DENND5A: variants seen among roughly 807,000 people sequenced by gnomAD.
DENND5A encodes the protein DENN domain-containing protein 5A.
In DENND5A, 64 loss-of-function variants were observed where a neutral mutation model predicts 140.3. The observed-to-expected ratio is 0.46, with a 90% CI of 0.37 to 0.56. DENND5A has a LOEUF of 0.56. DENND5A is among the 20% of genes least tolerant of loss of function. The pLI, the probability that DENND5A is intolerant of heterozygous loss-of-function variation, is 0.00. For synonymous variants in DENND5A, 605 were observed against 607.7 expected, an observed-to-expected ratio of 1.00 and a Z score of 0.07; for missense variants, 1,292 against 1,593.8, an observed-to-expected ratio of 0.81 and a Z score of 3.22.
chr11:9,192,498 G>C (rs184539745), intron 5 of DENND5A, among the ~76,000 whole-genome samples: 2 of 152,122 alleles, frequency 1.3e-5, no homozygotes, highest in African/African-American at 4.8e-5. Flanking sequence ...TGTGGTGGTG[G>C]GCACCTGTAA....
chr11:9,261,865 C>G (rs569323195), intron 1 of DENND5A, among the ~76,000 whole-genome samples: 27 of 150,626 alleles, frequency 1.8e-4, no homozygotes, highest in African/African-American at 6.6e-4. Context: ...GAAAAAAAAT[C>G]CTTCCAACAC....
intron 1 of DENND5A, among the ~76,000 whole-genome samples, chr11:9,227,766 G>A (rs112992285): frequency 3.6e-4 from 55 of 151,768 alleles, no homozygotes; most frequent in African/African-American, 1.3e-3. Flanking sequence ...ACCAGCCTGG[G>A]CAACATAGCA....
intron 1 of DENND5A, among the ~76,000 whole-genome samples, chr11:9,243,115 A>AAAAC (rs1564936263): frequency 4.0e-5 from 6 of 149,962 alleles, no homozygotes; most frequent in Admixed American, 6.7e-5. Flanking sequence ...CAAAAAAAAA[A>AAAAC]ACTGAGGCGA....
rs181807710 is a variant in DENND5A at position 9,265,182 on chromosome 11, C to T, written c.-113G>A. ...CCTCCCGCCGCCGCCGCTACCGCGG[C>T]TCGGGCCGCCGCCCCCGGCCCTGGC... is the stretch of plus-strand genomic sequence containing the variant. On this transcript the variant is annotated 5_prime_UTR_variant, in exon 1 of 23. Coordinates refer to ENST00000328194, the MANE Select transcript of DENND5A (RefSeq NM_015213.4). The surrounding 1 kb of genome is among the most constrained non-coding windows in gnomAD (Gnocchi z 4.7). The T allele has an allele frequency of 0.088, 43,463 of 493,424 alleles. 2,167 individuals carry two copies. Among genetic ancestry groups the T allele is most frequent in the Non-Finnish European group, 0.1 (38,979 of 378,596 alleles). 30.6% of individuals were successfully genotyped at this position (493,424 alleles called of 1,614,324 possible).
intron 1 of DENND5A, among the ~76,000 whole-genome samples, chr11:9,217,583 A>T (rs1189466843): frequency 6.6e-6 from 1 of 152,178 alleles, no homozygotes; most frequent in Non-Finnish European, 1.5e-5. Flanking sequence ...ATTAGTGTTT[A>T]CCTGGGATGA....
At chr11:9,169,470 A>T (rs1159434692) in intron 10 of DENND5A, among the ~76,000 whole-genome samples, 1 of 149,596 alleles carries the variant, frequency 6.7e-6, no homozygotes, top group Non-Finnish European at 1.5e-5. Context: ...ATTAAAAAAA[A>T]TTAACTTTTT....
intron 1 of DENND5A, among the ~76,000 whole-genome samples, chr11:9,261,223 G>A (rs958081180): frequency 1.3e-5 from 2 of 152,146 alleles, no homozygotes; most frequent in African/African-American, 2.4e-5. Context: ...GGAACACCGA[G>A]CATCTTTGAT....
chr11:9,260,859 G>A (rs1324787809), intron 1 of DENND5A, among the ~76,000 whole-genome samples: 1 of 152,026 alleles, frequency 6.6e-6, no homozygotes, highest in Non-Finnish European at 1.5e-5. Context: ...AGTTGTATTT[G>A]TTTATTTGAG....
intron 1 of DENND5A, among the ~76,000 whole-genome samples, chr11:9,238,733 A>T (rs150291934): frequency 6.7e-6 from 1 of 150,320 alleles, no homozygotes; most frequent in African/African-American, 2.4e-5. Flanking sequence ...TTTTTAACTG[A>T]AAGGAACTAT....
Position 9,215,095 on chromosome 11 carries a change from T to C in DENND5A, c.110-7463A>G, listed in dbSNP as rs75928058. ...AAGCTGCTTACCAGGCTTTTCAATG[T>C]AAATTTAAGAGAAACCCTGTTACTC... On this transcript the variant is annotated intron_variant, in intron 1 of 22. Coordinates refer to ENST00000328194, the MANE Select transcript of DENND5A (RefSeq NM_015213.4). Among the ~76,000 whole-genome samples the C allele has an allele frequency of 3.8e-3, 573 of 152,296 alleles. 6 individuals are homozygous for C. Among genetic ancestry groups the C allele is most frequent in the African/African-American group, 0.013 (553 of 41,554 alleles).
chr11:9,227,025 G>A (rs1214819913), intron 1 of DENND5A, among the ~76,000 whole-genome samples: 7 of 151,948 alleles, frequency 4.6e-5, no homozygotes, highest in African/African-American at 1.4e-4. Flanking sequence ...AAAATTAGCC[G>A]GGCATGGTAG....
rs1278370434 is a variant in DENND5A, at chr11:9,206,691, G to T, written c.273C>A (p.Asp91Glu). 1 of 1,612,022 alleles carries T rather than the reference G, an allele frequency of 6.2e-7. No individual in the cohort carries two copies. The highest frequency in any genetic ancestry group is 1.1e-5 in the South Asian group (1 of 91,024). Residue 91 changes from aspartate to glutamate, a missense_variant, in exon 3 of 23, where the codon GAC becomes GAA. Physicochemically the swap from Asp to Glu is conservative, Grantham distance 45. Around this residue, in one of 4 missense-constraint regions of DENND5A, gnomAD observed 566 missense variants for 650.4 expected, o/e 0.87. Transcript: ENST00000328194. ...YPENVEWNPFDQDAVGMLCMP... is the reference protein window; with the variant it reads ...YPENVEWNPFEQDAVGMLCMP... ...TACCAACCATTCCTACTGCATCTTG[G>T]TCAAAGGGATTCCATTCTACGTTCT... is the stretch of plus-strand genomic sequence containing the variant.
rs547792092 is a variant in DENND5A at position 9,263,020 on chromosome 11, C to T, written c.109+1941G>A. 3.3e-5 allele frequency among the ~76,000 whole-genome samples: 5 copies of T among 151,990 alleles called. No homozygotes were observed. In the East Asian group the frequency reaches 9.7e-4, roughly 30 times the overall value. On this transcript the variant is annotated intron_variant, in intron 1 of 22. Coordinates refer to ENST00000328194, the MANE Select transcript of DENND5A (RefSeq NM_015213.4). The stretch of plus-strand genomic sequence containing the variant: ...CCTCCCAAAGTGCTGGGATTACAGG[C>T]GTGAGCCACCGCGCCCGGCCTAAAA...
At chr11:9,216,365 T>TAA (rs1405981841) in intron 1 of DENND5A, among the ~76,000 whole-genome samples, 2 of 152,236 alleles carry the variant, frequency 1.3e-5, no homozygotes, top group African/African-American at 4.8e-5. Flanking sequence ...CTTCCTCAGC[T>TAA]ACCTCTCTCT....
At chr11:9,172,158 G>C (rs951726481) in intron 8 of DENND5A, 3 of 152,088 alleles carry the variant, frequency 2.0e-5, no homozygotes, top group African/African-American at 7.2e-5. Flanking sequence ...GGTAGGGATG[G>C]GGAGAACAGA....
chr11:9,198,694 T>C (rs1849418604), intron 4 of DENND5A, among the ~76,000 whole-genome samples: 1 of 152,100 alleles, frequency 6.6e-6, no homozygotes, highest in Non-Finnish European at 1.5e-5. Context: ...GAAGTGCAGA[T>C]ATCTGATTTG....
intron 15 of DENND5A, 70 bp downstream of exon 15, chr11:9,150,011 C>A: frequency 2.6e-6 from 4 of 1,544,904 alleles, no homozygotes; most frequent in Non-Finnish European, 3.5e-6. Context: ...CTCCCCCTTC[C>A]CACACAAGTT....
At chr11:9,231,771 T>C (rs1850784445) in intron 1 of DENND5A, among the ~76,000 whole-genome samples, 1 of 145,708 alleles carries the variant, frequency 6.9e-6, no homozygotes, top group African/African-American at 2.5e-5. Flanking sequence ...CTCAGTAACA[T>C]AAGAGAAAGT....
Position 9,142,422 on chromosome 11 carries a change from G to C in DENND5A, c.3511+300C>G, listed in dbSNP as rs79049365. Reference sequence around the variant, plus strand: ...AACACAGGGCTTGGGGCTCCAATACGCTCAACTGGACTTTGGGATCTATAA... The same window carrying C: ...AACACAGGGCTTGGGGCTCCAATACCCTCAACTGGACTTTGGGATCTATAA... On this transcript the variant is annotated intron_variant, in intron 21 of 22. Coordinates refer to ENST00000328194, the MANE Select transcript of DENND5A (RefSeq NM_015213.4). Among the ~76,000 whole-genome samples, 498 of 152,282 alleles carry C rather than the reference G, an allele frequency of 3.3e-3. 4 individuals carry two copies. The highest frequency in any genetic ancestry group is 5.8e-3 in the Non-Finnish European group (396 of 68,028).
Sources: allele counts gnomAD v4.1 joint callset (sites outside exome capture counted in the v4.1 genomes callset), GRCh38; gene constraint gnomAD v4.1.1; regional missense constraint gnomAD v4.1.1; non-coding constraint Gnocchi (gnomAD v3.1); transcripts MANE v1.5; gene names NCBI Gene and HGNC (gene_info 2026-07-23, HGNC 2026-07-21).